The following WWOX variants were observed in gnomAD, a reference collection of about 807,000 sequenced individuals.
The protein encoded by WWOX is WW domain-containing oxidoreductase.
In WWOX, 69 loss-of-function variants were observed where a neutral mutation model predicts 46.2. The ratio of observed to expected loss-of-function variants is 1.49; its 90% confidence interval spans 1.23 to 1.82. The LOEUF (loss-of-function observed/expected upper bound fraction) is 1.82, where lower values mean the gene tolerates loss of function less well. WWOX is among the 40% of genes most tolerant of loss of function. The pLI is 0.00. For missense variants in WWOX, 919 were observed against 542.6 expected, an observed-to-expected ratio of 1.69 and a Z score of -6.89; for synonymous variants, 359 against 202.6, an observed-to-expected ratio of 1.77 and a Z score of -6.56.
chr16:78,368,764 A>G (rs1234522141), intron 5 of WWOX, among the ~76,000 whole-genome samples: 2 of 152,168 alleles, frequency 1.3e-5, no homozygotes, highest in Non-Finnish European at 2.9e-5. Context: ...GGCTTTTAGC[A>G]AAATTACCCA....
At chr16:78,329,341 A>C (rs2080705821) in intron 5 of WWOX, among the ~76,000 whole-genome samples, 1 of 152,200 alleles carries the variant, frequency 6.6e-6, no homozygotes, top group Non-Finnish European at 1.5e-5. Context: ...TAGAAATATG[A>C]AATGATGAGG....
At position 78,289,881 on chromosome 16, in the gene WWOX, G is replaced by A. The variant is rs575516406; in HGVS notation, c.517-96979G>A. The stretch of plus-strand genomic sequence containing the variant: ...TACTGGCCTACAGTGTCAGTACATT[G>A]CAAATTTAAGAATGTTCACTGACAT... On this transcript the variant is annotated intron_variant, in intron 5 of 8. Coordinates refer to ENST00000566780, the MANE Select transcript of WWOX (RefSeq NM_016373.4). Among the ~76,000 whole-genome samples the A allele has an allele frequency of 7.2e-5, 11 of 152,108 alleles. No homozygotes were observed. In the East Asian group the frequency reaches 2.1e-3, roughly 29 times the overall value.
chr16:78,474,982 C>T (rs745328627), intron 8 of WWOX, among the ~76,000 whole-genome samples: 11 of 151,950 alleles, frequency 7.2e-5, no homozygotes, highest in South Asian at 2.1e-4. Flanking sequence ...TATTTAGGCA[C>T]GCCAGGTTTA....
Position 78,604,270 on chromosome 16 carries a change from C to G in WWOX, c.1056+171518C>G, listed in dbSNP as rs552772613. On this transcript the variant is annotated intron_variant, in intron 8 of 8. Transcript: ENST00000566780. ...CTCCTGGGGCACCCTTCCTTATTTT[C>G]TCTACCACACCAATGCCTTCATGGT... Among the ~76,000 whole-genome samples, 257 of 152,302 alleles carry G rather than the reference C, an allele frequency of 1.7e-3. 3 individuals carry two copies. The highest frequency in any genetic ancestry group is 5.8e-3 in the African/African-American group (241 of 41,552).
intron 8 of WWOX, among the ~76,000 whole-genome samples, chr16:78,847,610 A>C (rs1266331335): frequency 2.0e-5 from 3 of 152,056 alleles, no homozygotes; most frequent in Non-Finnish European, 4.4e-5. Context: ...TTGGGATTAC[A>C]GACTTGAGCC....
At chr16:78,577,273 A>G (rs978979428) in intron 8 of WWOX, among the ~76,000 whole-genome samples, 3 of 152,176 alleles carry the variant, frequency 2.0e-5, no homozygotes, top group African/African-American at 7.2e-5. Flanking sequence ...TGCTGAACAG[A>G]CTTTCTGTCC....
At chr16:79,087,065 A>G (rs979711362) in intron 8 of WWOX, among the ~76,000 whole-genome samples, 3 of 152,248 alleles carry the variant, frequency 2.0e-5, no homozygotes, top group African/African-American at 4.8e-5. Context: ...GATGACCCCA[A>G]GACCCTCTAC....
intron 5 of WWOX, among the ~76,000 whole-genome samples, chr16:78,377,439 A>C (rs968901698): frequency 6.6e-6 from 1 of 152,102 alleles, no homozygotes; most frequent in Admixed American, 6.6e-5. Context: ...AACTTATTGT[A>C]CTCCTCTTTA....
intron 8 of WWOX, among the ~76,000 whole-genome samples, chr16:78,997,466 C>G (rs1190550326): frequency 6.6e-6 from 1 of 152,140 alleles, no homozygotes; most frequent in African/African-American, 2.4e-5. Flanking sequence ...CCTGACCTCC[C>G]TTTTCTCTGG....
intron 8 of WWOX, among the ~76,000 whole-genome samples, chr16:78,866,209 C>T (rs951163429): frequency 3.9e-5 from 6 of 152,074 alleles, no homozygotes; most frequent in Non-Finnish European, 5.9e-5. Context: ...ATCCTTCTGC[C>T]AGTCTCCATA....
intron 4 of WWOX, among the ~76,000 whole-genome samples, chr16:78,141,059 C>G (rs1228908602): frequency 1.3e-5 from 2 of 152,198 alleles, no homozygotes; most frequent in Non-Finnish European, 2.9e-5. Flanking sequence ...AGTAATTGTT[C>G]TTTTGCCTCG....
intron 8 of WWOX, among the ~76,000 whole-genome samples, chr16:78,942,661 A>G (rs999136253): frequency 2.0e-5 from 3 of 152,186 alleles, no homozygotes; most frequent in Non-Finnish European, 2.9e-5. Flanking sequence ...TGAAGAGAAA[A>G]TGGAATGGAA....
chr16:78,844,111 A>G (rs964538871), intron 8 of WWOX, among the ~76,000 whole-genome samples: 1 of 152,174 alleles, frequency 6.6e-6, no homozygotes, highest in African/African-American at 2.4e-5. Flanking sequence ...GGTGCCTTGT[A>G]GACCGATACT....
At chr16:78,684,380 G>C (rs1170733162) in intron 8 of WWOX, among the ~76,000 whole-genome samples, 3 of 152,196 alleles carry the variant, frequency 2.0e-5, no homozygotes, top group African/African-American at 7.2e-5. Context: ...CCTTAGCAGG[G>C]AGTGCCAGTG....
chr16:78,443,069 G>A (rs547530874), intron 8 of WWOX, among the ~76,000 whole-genome samples: 3 of 150,106 alleles, frequency 2.0e-5, no homozygotes, highest in East Asian at 4.0e-4. Flanking sequence ...CCGGGAGGTG[G>A]AGGTTGCAGT....
intron 8 of WWOX, among the ~76,000 whole-genome samples, chr16:79,034,293 A>G (rs1276270879): frequency 3.3e-5 from 5 of 152,230 alleles, no homozygotes; most frequent in Admixed American, 2.6e-4. Context: ...GAAAAGCACC[A>G]TTATTAGTAA....
At chr16:79,109,870 C>G (rs1166629488) in intron 8 of WWOX, among the ~76,000 whole-genome samples, 2 of 152,104 alleles carry the variant, frequency 1.3e-5, no homozygotes, top group East Asian at 1.9e-4. Context: ...TACTGCAGTA[C>G]AAGATTTGGC....
At chr16:78,527,246 T>G (rs1050437048) in intron 8 of WWOX, among the ~76,000 whole-genome samples, 2 of 151,576 alleles carry the variant, frequency 1.3e-5, no homozygotes, top group African/African-American at 4.8e-5. Context: ...TCTAAGCTGG[T>G]AGCAGAAGCC....
At chr16:78,571,070 G>A (rs905891917) in intron 8 of WWOX, among the ~76,000 whole-genome samples, 13 of 152,146 alleles carry the variant, frequency 8.5e-5, no homozygotes, top group Non-Finnish European at 1.5e-4. Context: ...TTGAAGGGAA[G>A]TATTGCTCCT....
Sources: allele counts gnomAD v4.1 joint callset (sites outside exome capture counted in the v4.1 genomes callset), GRCh38; gene constraint gnomAD v4.1.1; transcripts MANE v1.5; gene names NCBI Gene and HGNC (gene_info 2026-07-23, HGNC 2026-07-21).